Variants in FAM185A observed in about 807,000 individuals in gnomAD.
The protein encoded by FAM185A is protein FAM185A.
A neutral mutation model predicts 45.7 loss-of-function variants in FAM185A; 21 were observed. That is an observed-to-expected ratio of 0.46 (90% confidence interval 0.33 to 0.66). The LOEUF (loss-of-function observed/expected upper bound fraction) is 0.66. Ranked by LOEUF, FAM185A falls within the 30% of genes least tolerant of loss-of-function variation. FAM185A has a pLI of 0.03. For missense variants in FAM185A, 305 were observed against 485.4 expected, an observed-to-expected ratio of 0.63 and a Z score of 3.49; for synonymous variants, 117 against 194.0, an observed-to-expected ratio of 0.60 and a Z score of 3.30.
intron 7 of FAM185A, among the ~76,000 whole-genome samples, chr7:102,792,028 C>T (rs1455440624): frequency 6.8e-6 from 1 of 147,620 alleles, no homozygotes; most frequent in Non-Finnish European, 1.5e-5. Flanking sequence ...CTCATAGAGC[C>T]CATGAGGGAT....
intron 6 of FAM185A, among the ~76,000 whole-genome samples, chr7:102,786,040 C>T (rs1201776124): frequency 6.6e-6 from 1 of 152,136 alleles, no homozygotes; most frequent in Admixed American, 6.5e-5. Context: ...AGACACTTCT[C>T]AAAAGAAGAC....
chr7:102,799,924 G>A (rs1342833080), intron 7 of FAM185A, among the ~76,000 whole-genome samples: 2 of 151,636 alleles, frequency 1.3e-5, no homozygotes. Flanking sequence ...ATGAATTTTA[G>A]CTCCAGAACA....
At chr7:102,812,614 C>A (rs983625865), downstream of FAM185A, among the ~76,000 whole-genome samples, 1 of 152,100 alleles carries the variant, frequency 6.6e-6, no homozygotes, top group Non-Finnish European at 1.5e-5. Context: ...CCTTAAAAAG[C>A]GTTACAGATC....
chr7:102,767,035 A>T (rs570962608), intron 4 of FAM185A, among the ~76,000 whole-genome samples: 85 of 151,898 alleles, frequency 5.6e-4, no homozygotes, highest in Non-Finnish European at 1.1e-3. Context: ...ACCTCAGGTG[A>T]TCCGCACGCC....
At chr7:102,827,300 A>G in the FAM185A span, 1 of 305,836 alleles carries the variant, frequency 3.3e-6, no homozygotes, top group South Asian at 2.4e-5. Flanking sequence ...AGATGACTGC[A>G]AAGAGATGAC....
At chr7:102,823,373 TG>T in the FAM185A span, among the ~76,000 whole-genome samples, 1 of 152,126 alleles carries the variant, frequency 6.6e-6, no homozygotes, top group Non-Finnish European at 1.5e-5. Context: ...ACATCACTGA[TG>T]GTTTAGATGT....
chr7:102,825,343 G>A, the FAM185A span, among the ~76,000 whole-genome samples: 1 of 152,096 alleles, frequency 6.6e-6, no homozygotes, highest in East Asian at 1.9e-4. Flanking sequence ...GGCTTTATAA[G>A]AAGAAGAAAG....
At chr7:102,826,769 A>ATATATATGTATG in the FAM185A span, among the ~76,000 whole-genome samples, 6 of 100,738 alleles carry the variant, frequency 6.0e-5, no homozygotes, top group African/African-American at 2.3e-4. Flanking sequence ...ATATATATAT[A>ATATATATGTATG]TATGTATATA....
the FAM185A span, among the ~76,000 whole-genome samples, chr7:102,841,390 C>G: frequency 2.6e-5 from 4 of 152,048 alleles, no homozygotes; most frequent in Admixed American, 1.3e-4. Context: ...TCTGTGGATG[C>G]TCAATATGAA....
At chr7:102,849,528 A>G in the FAM185A span, among the ~76,000 whole-genome samples, 3 of 152,216 alleles carry the variant, frequency 2.0e-5, no homozygotes. Context: ...TAAAAACAGA[A>G]TCTCTCCTAT....
At chr7:102,842,130 G>T in the FAM185A span, among the ~76,000 whole-genome samples, 2 of 152,304 alleles carry the variant, frequency 1.3e-5, no homozygotes, top group Non-Finnish European at 2.9e-5. Flanking sequence ...AGAGACAAAA[G>T]ATCCAAATGT....
the FAM185A span, among the ~76,000 whole-genome samples, chr7:102,825,712 A>G: frequency 1.3e-5 from 2 of 152,234 alleles, no homozygotes; most frequent in Non-Finnish European, 2.9e-5. Flanking sequence ...GGGCATTACC[A>G]TAAAAAAATG....
At chr7:102,822,107 C>G in the FAM185A span, 1 of 1,614,166 alleles carries the variant, frequency 6.2e-7, no homozygotes, top group East Asian at 2.2e-5. Flanking sequence ...TGAAGGTCCT[C>G]AAGGATTTGG....
the FAM185A span, among the ~76,000 whole-genome samples, chr7:102,831,842 T>A: frequency 6.6e-6 from 1 of 152,148 alleles, no homozygotes; most frequent in East Asian, 1.9e-4. Flanking sequence ...TCACTCTTCA[T>A]CTCTAGTTCT....
intron 7 of FAM185A, 57 bp from the exon 8 acceptor site, chr7:102,808,233 G>T: frequency 9.1e-7 from 1 of 1,103,488 alleles, no homozygotes; most frequent in Non-Finnish European, 1.3e-6. Flanking sequence ...TGTGTTGCTA[G>T]GATCTATGTG....
At chr7:102,760,661 TAAGAC>T (rs1234090592) in intron 3 of FAM185A, among the ~76,000 whole-genome samples, 1 of 152,136 alleles carries the variant, frequency 6.6e-6, no homozygotes, top group Non-Finnish European at 1.5e-5. Context: ...AGAACAGGAA[TAAGAC>T]AAGGATGCCT....
the FAM185A span, among the ~76,000 whole-genome samples, chr7:102,827,541 T>TA: frequency 6.6e-6 from 1 of 152,318 alleles, no homozygotes; most frequent in Non-Finnish European, 1.5e-5. Flanking sequence ...ATTTTTTTTT[T>TA]ATACTTTAAG....
chr7:102,761,909 C>A (rs1794132021), intron 4 of FAM185A, among the ~76,000 whole-genome samples: 1 of 152,116 alleles, frequency 6.6e-6, no homozygotes, highest in African/African-American at 2.4e-5. Context: ...AGCGACCCAC[C>A]CCCTTGGCCT....
chr7:102,822,180 C>G, the FAM185A span: 1 of 1,614,122 alleles, frequency 6.2e-7, no homozygotes, highest in Non-Finnish European at 8.5e-7. Context: ...TTGCCGATAA[C>G]ATCTCCATTG....
Sources: allele counts gnomAD v4.1 joint callset (sites outside exome capture counted in the v4.1 genomes callset), GRCh38; gene constraint gnomAD v4.1.1; transcripts MANE v1.5; gene names NCBI Gene and HGNC (gene_info 2026-07-23, HGNC 2026-07-21).